Variants in SDK1 observed in about 807,000 individuals in gnomAD.
The protein encoded by SDK1 is sidekick cell adhesion molecule 1.
In SDK1, 157 loss-of-function variants were observed where a neutral mutation model predicts 245.5. The observed-to-expected ratio is 0.64, with a 90% CI of 0.56 to 0.73. SDK1 has a LOEUF of 0.73. Ranked by LOEUF, SDK1 falls within the 30% of genes least tolerant of loss-of-function variation. The pLI is 0.00. For synonymous variants in SDK1, 1,647 were observed against 1,278.5 expected, an observed-to-expected ratio of 1.29 and a Z score of -6.15; for missense variants, 3,583 against 3,002.3, an observed-to-expected ratio of 1.19 and a Z score of -4.52.
At chr7:4,009,890 G>A (rs751833463) in intron 14 of SDK1, among the ~76,000 whole-genome samples, 7 of 152,188 alleles carry the variant, frequency 4.6e-5, no homozygotes. Flanking sequence ...GCTCGCAGGC[G>A]CAGACTTACG....
chr7:4,267,675 G>T lies in SDK1; in HGVS notation c.*2291G>T. On this transcript the variant is annotated 3_prime_UTR_variant, in exon 45 of 45. Coordinates refer to ENST00000404826, the MANE Select transcript of SDK1 (RefSeq NM_152744.4). ...GGAGAGTGTTGAGACGTCTTAGGTT[G>T]AGGATGAGCAGATTCGAGATATGTT... 1.0e-6 allele frequency: 1 copy of T among 985,498 alleles called. No individual in the cohort carries two copies. Among genetic ancestry groups the T allele is most frequent in the Non-Finnish European group, 1.2e-6 (1 of 829,952 alleles). 61.0% of individuals were successfully genotyped at this position (985,498 alleles called of 1,614,324 possible).
intron 1 of SDK1, among the ~76,000 whole-genome samples, chr7:3,544,488 C>G (rs1022637822): frequency 6.6e-6 from 1 of 152,186 alleles, no homozygotes; most frequent in Non-Finnish European, 1.5e-5. Flanking sequence ...GTCACTTCTG[C>G]TCTCTTGGCT....
chr7:3,302,274 A>G (rs965946071), intron 1 of SDK1: 3 of 152,284 alleles, frequency 2.0e-5, no homozygotes, highest in African/African-American at 7.2e-5. Context: ...AGTGACATCC[A>G]GAAGACTTGG....
chr7:4,056,998 A>AC (rs1779245740), intron 19 of SDK1, among the ~76,000 whole-genome samples: 1 of 152,076 alleles, frequency 6.6e-6, no homozygotes, highest in South Asian at 2.1e-4. Context: ...ATTGGCAGTG[A>AC]CCCCCAGTGG....
intron 1 of SDK1, among the ~76,000 whole-genome samples, chr7:3,583,434 C>T (rs1333142388): frequency 1.3e-5 from 2 of 152,082 alleles, no homozygotes; most frequent in Non-Finnish European, 1.5e-5. Flanking sequence ...TATTAGAACA[C>T]AAGGAGAGTC....
chr7:3,982,071 G>A (rs1783447756), intron 13 of SDK1, among the ~76,000 whole-genome samples: 1 of 152,186 alleles, frequency 6.6e-6, no homozygotes, highest in Non-Finnish European at 1.5e-5. Flanking sequence ...AGGGGCTAAT[G>A]GAGCTGGTGA....
intron 1 of SDK1, among the ~76,000 whole-genome samples, chr7:3,375,677 A>G (rs1025592611): frequency 2.0e-5 from 3 of 152,196 alleles, no homozygotes; most frequent in African/African-American, 7.2e-5. Flanking sequence ...GTGGAGAGGA[A>G]CTGAGGCCTT....
chr7:4,147,451 G>T (rs1260401828), intron 29 of SDK1, among the ~76,000 whole-genome samples: 1 of 151,972 alleles, frequency 6.6e-6, no homozygotes, highest in East Asian at 1.9e-4. Flanking sequence ...AATTTTTGTA[G>T]AGATGGGGGT....
intron 1 of SDK1, among the ~76,000 whole-genome samples, chr7:3,549,791 C>T (rs1036189120): frequency 1.3e-5 from 2 of 152,116 alleles, no homozygotes; most frequent in South Asian, 2.1e-4. Flanking sequence ...CCATTTCCTT[C>T]TGCTTGTTGC....
chr7:3,647,508 C>A (rs1273079928), intron 4 of SDK1, among the ~76,000 whole-genome samples: 1 of 152,200 alleles, frequency 6.6e-6, no homozygotes, highest in Non-Finnish European at 1.5e-5. Context: ...CTCACTGCAA[C>A]CTCCAACTCC....
intron 32 of SDK1, among the ~76,000 whole-genome samples, chr7:4,173,048 G>A (rs867645070): frequency 1.2e-4 from 19 of 152,350 alleles, no homozygotes; most frequent in African/African-American, 3.8e-4. Context: ...AGGGGCTCTC[G>A]TGCAGCAAAG....
chr7:3,372,197 C>G (rs1254609445), intron 1 of SDK1, among the ~76,000 whole-genome samples: 2 of 152,142 alleles, frequency 1.3e-5, no homozygotes, highest in Non-Finnish European at 2.9e-5. Context: ...GGGAGAGAGT[C>G]TGGAGCAGTG....
intron 1 of SDK1, among the ~76,000 whole-genome samples, chr7:3,484,198 A>C (rs1403858787): frequency 6.6e-6 from 1 of 152,232 alleles, no homozygotes; most frequent in Non-Finnish European, 1.5e-5. Context: ...ACCCACGGAT[A>C]CAAAATTTCA....
intron 1 of SDK1, among the ~76,000 whole-genome samples, chr7:3,309,208 C>A (rs1779491249): frequency 6.6e-6 from 1 of 151,980 alleles, no homozygotes; most frequent in South Asian, 2.1e-4. Context: ...TGTCTTCTCT[C>A]TAGGTGTTAG....
chr7:3,382,038 A>T (rs781651827), intron 1 of SDK1, among the ~76,000 whole-genome samples: 1 of 152,214 alleles, frequency 6.6e-6, no homozygotes, highest in Admixed American at 6.5e-5. Flanking sequence ...GTCTCAGTCA[A>T]AAAGCTAAAC....
chr7:3,765,027 G>A (rs1004348933), intron 4 of SDK1, among the ~76,000 whole-genome samples: 4 of 152,030 alleles, frequency 2.6e-5, no homozygotes, highest in African/African-American at 9.7e-5. Context: ...AATATGGTAA[G>A]TGTACATATA....
At chr7:3,304,565 T>A (rs1340497620) in intron 1 of SDK1, among the ~76,000 whole-genome samples, 1 of 152,162 alleles carries the variant, frequency 6.6e-6, no homozygotes. Context: ...AGTCCTCAGT[T>A]TCTCATTTGA....
rs370032713 is a variant in SDK1 at position 4,032,737 on chromosome 7, TTAGAA to T, written c.2602+15386_2602+15390del. ...TCCCATTTACAATAACAGAATAACA[TTAGAA>T]AAGAAAAGAAAGCTGGGGATAAACT... On this transcript the variant is annotated intron_variant, in intron 17 of 44. Transcript: ENST00000404826. Among the ~76,000 whole-genome samples the T allele has an allele frequency of 3.7e-3, 557 of 152,068 alleles. 6 individuals are homozygous for T. The South Asian group carries it at 0.039, about 11-fold the overall frequency.
At chr7:3,538,872 T>C (rs530249663) in intron 1 of SDK1, among the ~76,000 whole-genome samples, 15 of 152,344 alleles carry the variant, frequency 9.8e-5, no homozygotes, top group East Asian at 3.9e-4. Flanking sequence ...AGCACACTTA[T>C]GCTGTCGGCA....
Sources: gnomAD v4.1 joint callset for allele counts (sites outside exome capture counted in the v4.1 genomes callset) on GRCh38, gnomAD v4.1.1 for gene constraint, MANE v1.5 for transcripts, NCBI Gene and HGNC (gene_info 2026-07-23, HGNC 2026-07-21) for gene names.